TBC1D20: variants seen among roughly 807,000 people sequenced by gnomAD.
TBC1D20 encodes chromosome 20 open reading frame 140.
TBC1D20 carries 12 observed loss-of-function variants against 41.6 expected under a neutral mutation model. The observed-to-expected ratio is 0.29, with a 90% CI of 0.18 to 0.47. TBC1D20 has a LOEUF of 0.47. TBC1D20 is among the 20% of genes least tolerant of loss of function. The probability of loss-of-function intolerance (pLI) is 1.00; values close to 1 mark genes in which losing one functional copy is unlikely to be tolerated. For synonymous variants in TBC1D20, 205 were observed against 204.8 expected, an observed-to-expected ratio of 1.00 and a Z score of -0.01; for missense variants, 421 against 517.4, an observed-to-expected ratio of 0.81 and a Z score of 1.81.
rs2017159803 is a variant in TBC1D20 at position 438,472 on chromosome 20, G to C, written c.*114C>G. On this transcript the variant is annotated 3_prime_UTR_variant, in exon 8 of 8. Transcript: ENST00000354200. ...ACAAACGGGCAGGGCAGGGTGGCAG[G>C]AATAAAAAACTCTGGACAGAAACCC... 8.6e-6 allele frequency: 11 copies of C among 1,276,912 alleles called. No homozygotes were observed. Among genetic ancestry groups the C allele is most frequent in the Non-Finnish European group, 1.2e-5 (11 of 924,940 alleles). The allele number at this position is 1,276,912 out of a possible 1,614,324, so 79.1% of individuals were successfully genotyped here. A position where few individuals can be genotyped will look rare whatever the true frequency, so the allele number is the denominator to read the frequency against.
chr20:450,529 C>G (rs1453026394), intron 1 of TBC1D20: 1 of 152,128 alleles, frequency 6.6e-6, no homozygotes, highest in African/African-American at 2.4e-5. Context: ...GACACTGCCA[C>G]AGAGAGGCTG....
Position 439,126 on chromosome 20 carries a change from G to C in TBC1D20, c.938C>G (p.Ala313Gly). The C allele has an allele frequency of 6.2e-7, 1 of 1,612,750 alleles. No homozygotes were observed. The highest frequency in any genetic ancestry group is 8.5e-7 in the Non-Finnish European group (1 of 1,179,254). Residue 313 changes from alanine to glycine, a missense_variant, in exon 7 of 8, where the codon GCC becomes GGC. Physicochemically the swap from Ala to Gly is moderately conservative, Grantham distance 60 (BLOSUM62 0). Coordinates refer to ENST00000354200, the MANE Select transcript of TBC1D20 (RefSeq NM_144628.4). This position sits in a 1 kb window ranked among gnomAD's most constrained non-coding sequence, Gnocchi z 4.6. ...PPSELAREAA[A>G]QQQAERTAAS... ...TGCTCACCTCTCAGCTTGCTGTTGGGCAGCGGCCTCCCGAGCAAGTTCGGA... is the reference window on the plus strand; with the variant it reads ...TGCTCACCTCTCAGCTTGCTGTTGGCCAGCGGCCTCCCGAGCAAGTTCGGA...
intron 1 of TBC1D20, among the ~76,000 whole-genome samples, chr20:453,540 A>ATTTT (rs1157479385): frequency 9.5e-5 from 10 of 105,806 alleles, no homozygotes; most frequent in Admixed American, 4.4e-4. Context: ...GTAATCCAGC[A>ATTTT]TTTTTTTTTT....
At chr20:448,841 C>CTTTT (rs1157490937) in intron 1 of TBC1D20, among the ~76,000 whole-genome samples, 3 of 127,186 alleles carry the variant, frequency 2.4e-5, no homozygotes, top group African/African-American at 3.4e-5. Context: ...ATTACACGTA[C>CTTTT]TTTTTTTTTT....
In TBC1D20 at chr20:439,172, G is replaced by A; in HGVS notation, c.892C>T (p.Leu298Phe). The A allele has an allele frequency of 6.2e-7, 1 of 1,614,186 alleles. No homozygotes were observed. The highest frequency in any genetic ancestry group is 8.5e-7 in the Non-Finnish European group (1 of 1,180,018). The change falls in exon 7 of 8, where the codon CTT (leucine) becomes TTT (phenylalanine). Residue 298 changes from leucine (L) to phenylalanine (F), a missense_variant. Coordinates refer to ENST00000354200, the MANE Select transcript of TBC1D20 (RefSeq NM_144628.4). This position sits in a 1 kb window ranked among gnomAD's most constrained non-coding sequence, Gnocchi z 4.6. ...TCGGATGGGGGAAACTGAACAAAAA[G>A]GTCTCCTGCTCTGCTGATCAGTGTC... ...YETLISRAGD[L>F]FVQFPPSELA...
intron 1 of TBC1D20, among the ~76,000 whole-genome samples, chr20:460,871 C>T (rs1406149617): frequency 6.6e-6 from 1 of 152,180 alleles, no homozygotes; most frequent in African/African-American, 2.4e-5. Context: ...AGTCTTGCAA[C>T]AGATACACAG....
At chr20:444,543 C>T (rs1296472942) in intron 3 of TBC1D20, among the ~76,000 whole-genome samples, 1 of 141,402 alleles carries the variant, frequency 7.1e-6, no homozygotes, top group East Asian at 1.9e-4. Context: ...TTTAGGAATA[C>T]ATTCTTTTTT....
At chr20:448,308 G>A (rs895901899) in intron 1 of TBC1D20, among the ~76,000 whole-genome samples, 1 of 152,142 alleles carries the variant, frequency 6.6e-6, no homozygotes, top group African/African-American at 2.4e-5. Context: ...TTAAATCACC[G>A]ATTTTTAAAA....
Position 438,322 on chromosome 20 carries a change from AC to A in TBC1D20, c.*263del. 2 of 491,918 alleles carry A rather than the reference AC, an allele frequency of 4.1e-6. No individual in the cohort carries two copies. Among genetic ancestry groups the A allele is most frequent in the Non-Finnish European group, 7.2e-6 (2 of 276,704 alleles). 30.5% of individuals were successfully genotyped at this position (491,918 alleles called of 1,614,324 possible). ...GCTTCAGAAACCCACTTCCTCCAAC[AC>A]CAGGGAGGTGGCAGAGAGCCCATCC... is the stretch of plus-strand genomic sequence containing the variant. On this transcript the variant is annotated 3_prime_UTR_variant, in exon 8 of 8. Coordinates refer to ENST00000354200, the MANE Select transcript of TBC1D20 (RefSeq NM_144628.4).
At chr20:449,759 G>C (rs2017411382) in intron 1 of TBC1D20, among the ~76,000 whole-genome samples, 1 of 152,194 alleles carries the variant, frequency 6.6e-6, no homozygotes, top group African/African-American at 2.4e-5. Flanking sequence ...ATGGTACACA[G>C]TAGATACTTA....
chr20:446,943 ATTTTTTT>A (rs35489596), intron 2 of TBC1D20, among the ~76,000 whole-genome samples: 6 of 75,892 alleles, frequency 7.9e-5, no homozygotes, highest in East Asian at 3.0e-4. Context: ...CAAAATACGC[ATTTTTTT>A]TTTTTTTTTT....
rs542444432 is a variant in TBC1D20 at position 435,747 on chromosome 20, T to C, written c.*2839A>G. ...ATAGGCATGGCTGAAGCATGGCAGC[T>C]GTGTTGAGATGAAACTGGACAAAAA... On this transcript the variant is annotated 3_prime_UTR_variant, in exon 8 of 8. Transcript: ENST00000354200. 1 of 152,488 alleles carries C rather than the reference T, an allele frequency of 6.6e-6. No individual in the cohort carries two copies. Among genetic ancestry groups the C allele is most frequent in the Non-Finnish European group, 1.5e-5 (1 of 68,146 alleles). 9.4% of individuals were successfully genotyped at this position (152,488 alleles called of 1,614,324 possible).
intron 3 of TBC1D20, 111 bp from the exon 4 acceptor site, chr20:442,154 A>G (rs1044374600): frequency 1.9e-6 from 2 of 1,029,654 alleles, no homozygotes; most frequent in Admixed American, 2.9e-5. Flanking sequence ...TGAATTACAA[A>G]TAATTTGGCA....
chr20:456,235 ACT>A (rs949042113), intron 1 of TBC1D20, among the ~76,000 whole-genome samples: 7 of 152,026 alleles, frequency 4.6e-5, no homozygotes, highest in African/African-American at 1.2e-4. Context: ...ATAGAGTAAG[ACT>A]CTGTCTCAAA....
chr20:458,697 G>A lies in TBC1D20; in HGVS notation c.70+3639C>T, dbSNP rs562557252. 4.6e-5 allele frequency among the ~76,000 whole-genome samples: 7 copies of A among 152,210 alleles called. No homozygotes were observed. In the East Asian group the frequency reaches 9.6e-4, roughly 21 times the overall value. ...CACTCTGTGGGAACGCAACAAATAC[G>A]TGCAGAATATAGTAAGTGATTTAGT... On this transcript the variant is annotated intron_variant, in intron 1 of 7. Transcript: ENST00000354200.
At position 438,367 on chromosome 20, in the gene TBC1D20, G is replaced by A. The variant is rs1341419102; in HGVS notation, c.*219C>T. On this transcript the variant is annotated 3_prime_UTR_variant, in exon 8 of 8. Coordinates refer to ENST00000354200, the MANE Select transcript of TBC1D20 (RefSeq NM_144628.4). ...CCCATCCAAAAGCCCACTGGGAGAG[G>A]CATAAGATTCTGTGCCAGGCCCCCA... The A allele has an allele frequency of 1.0e-5, 6 of 573,104 alleles. No homozygotes were observed. Among genetic ancestry groups the A allele is most frequent in the Admixed American group, 6.3e-5 (2 of 31,702 alleles). The allele number at this position is 573,104 out of a possible 1,614,324, so 35.5% of individuals were successfully genotyped here. A position where few individuals can be genotyped will look rare whatever the true frequency, so the allele number is the denominator to read the frequency against.
chr20:440,269 C>A lies in TBC1D20; in HGVS notation c.747G>T (p.Met249Ile). ...CTACCACGGCTGCAAAGTAAATCGG[C>A]ATCAGTGGGTGGCAGGCCAGGAAGA... ...YDFFLACHPL[M>I]PIYFAAVIVL... Residue 249 changes from methionine (M) to isoleucine (I), a missense_variant, in exon 6 of 8, where the codon ATG becomes ATT. By Grantham distance (10) the Met-to-Ile change is conservative (BLOSUM62 1). This residue lies in a region of TBC1D20 where 110 missense variants were observed against 183.5 expected (regional missense o/e 0.60). Coordinates refer to ENST00000354200, the MANE Select transcript of TBC1D20 (RefSeq NM_144628.4). The A allele has an allele frequency of 6.2e-7, 1 of 1,613,480 alleles. No homozygotes were observed. Among genetic ancestry groups the A allele is most frequent in the Non-Finnish European group, 8.5e-7 (1 of 1,179,748 alleles).
intron 1 of TBC1D20, among the ~76,000 whole-genome samples, chr20:454,383 T>A (rs1488877613): frequency 6.6e-6 from 1 of 151,628 alleles, no homozygotes; most frequent in Non-Finnish European, 1.5e-5. Flanking sequence ...GGGGCTGGGA[T>A]GAAGGGTACA....
At chr20:456,967 A>C (rs2017551722) in intron 1 of TBC1D20, among the ~76,000 whole-genome samples, 4 of 120,536 alleles carry the variant, frequency 3.3e-5, no homozygotes, top group African/African-American at 9.8e-5. Context: ...ACAGAGTTTC[A>C]CTCTTGTTGC....
Sources: allele counts gnomAD v4.1 joint callset (sites outside exome capture counted in the v4.1 genomes callset), GRCh38; gene constraint gnomAD v4.1.1; regional missense constraint gnomAD v4.1.1; non-coding constraint Gnocchi (gnomAD v3.1); transcripts MANE v1.5; gene names NCBI Gene and HGNC (gene_info 2026-07-23, HGNC 2026-07-21).